Variants in SLC12A6 observed in about 807,000 individuals in gnomAD.
SLC12A6 encodes solute carrier family 12 member 6.
Under a neutral mutation model 135.3 loss-of-function variants are expected in SLC12A6, and 66 were observed. The observed-to-expected ratio is 0.49, with a 90% CI of 0.40 to 0.60. The LOEUF (loss-of-function observed/expected upper bound fraction) is 0.60. SLC12A6 is among the 20% of genes least tolerant of loss of function. SLC12A6 has a pLI of 0.00. For missense variants in SLC12A6, 1,058 were observed against 1,452.3 expected (o/e 0.73, Z 4.41); for synonymous variants, 513 against 508.8 (o/e 1.01, Z -0.11).
chr15:34,249,767 G>C (rs1892259433), intron 13 of SLC12A6, among the ~76,000 whole-genome samples: 1 of 152,130 alleles, frequency 6.6e-6, no homozygotes. Context: ...GATGGACAGG[G>C]AAGTCCTCAT....
intron 2 of SLC12A6, among the ~76,000 whole-genome samples, chr15:34,288,780 CTGTT>C (rs1409946355): frequency 6.6e-6 from 1 of 152,156 alleles, no homozygotes. Context: ...ATTTGGCTCT[CTGTT>C]TGTCTGTTAC....
In SLC12A6 at chr15:34,237,568, A is replaced by AC; in HGVS notation, c.2803-19dup. The AC allele has an allele frequency of 6.2e-7, 1 of 1,608,712 alleles. No individual in the cohort carries two copies. The highest frequency in any genetic ancestry group is 8.5e-7 in the Non-Finnish European group (1 of 1,175,964). The stretch of plus-strand genomic sequence containing the variant: ...CGCCACACCTGAGAGAGTGACATAC[A>AC]CATGTGAAAAATTAGAGCAAGGAGG... On this transcript the variant is annotated intron_variant, in intron 21 of 25. Coordinates refer to ENST00000354181, the MANE Select transcript of SLC12A6 (RefSeq NM_001365088.1).
intron 2 of SLC12A6, among the ~76,000 whole-genome samples, chr15:34,321,815 C>A (rs7176009): frequency 6.6e-6 from 1 of 152,072 alleles, no homozygotes; most frequent in Non-Finnish European, 1.5e-5. Context: ...CAACAACATG[C>A]ATGAATCTCA....
chr15:34,324,614 T>A (rs1034364619), intron 2 of SLC12A6, among the ~76,000 whole-genome samples: 2 of 151,608 alleles, frequency 1.3e-5, no homozygotes, highest in African/African-American at 4.9e-5. Context: ...ACCCATTTAT[T>A]AAAAAAAAAT....
rs1890209752 is a variant in SLC12A6 at position 34,336,530 on chromosome 15, C to T, written c.151G>A (p.Val51Met). Residue 51 changes from valine (V) to methionine (M), a missense_variant, in exon 2 of 26, where the codon GTG becomes ATG. This residue lies in a region of SLC12A6 where 176 missense variants were observed against 168.9 expected (regional missense o/e 1.04). Transcript: ENST00000354181. ...SRVRFSSRES[V>M]PETSRSEPMS... ...GGCTCACTCCGGCTTGTTTCAGGCA[C>T]GCTTTCCCGGGAGCTAAATCTTACT... 1.2e-6 allele frequency: 2 copies of T among 1,613,942 alleles called. No individual in the cohort carries two copies. The highest frequency in any genetic ancestry group is 1.7e-5 in the Admixed American group (1 of 59,996).
At chr15:34,283,067 G>A (rs1000236135) in intron 2 of SLC12A6, among the ~76,000 whole-genome samples, 1 of 152,246 alleles carries the variant, frequency 6.6e-6, no homozygotes, top group Non-Finnish European at 1.5e-5. Context: ...TAATAGCCGG[G>A]CACTGTGGCT....
intron 13 of SLC12A6, among the ~76,000 whole-genome samples, chr15:34,249,477 G>A (rs1892237445): frequency 6.6e-6 from 1 of 152,138 alleles, no homozygotes; most frequent in African/African-American, 2.4e-5. Flanking sequence ...TGAGGCGGGA[G>A]GATTACTTGA....
chr15:34,291,438 G>C (rs1895522337), intron 2 of SLC12A6, among the ~76,000 whole-genome samples: 1 of 152,144 alleles, frequency 6.6e-6, no homozygotes, highest in African/African-American at 2.4e-5. Context: ...TTCAACCTTG[G>C]TGAATCTGAC....
chr15:34,259,404 C>T (rs1892965508), intron 4 of SLC12A6, among the ~76,000 whole-genome samples: 2 of 151,350 alleles, frequency 1.3e-5, no homozygotes, highest in African/African-American at 4.9e-5. Context: ...TAACCCAATG[C>T]TATGGGAGGG....
chr15:34,309,061 T>C (rs1170535320), intron 2 of SLC12A6, among the ~76,000 whole-genome samples: 4 of 152,198 alleles, frequency 2.6e-5, no homozygotes, highest in Non-Finnish European at 5.9e-5. Flanking sequence ...GTCCTGATTG[T>C]TGTGAGGATT....
chr15:34,235,977 G>C lies in SLC12A6; in HGVS notation c.3227+38C>G, dbSNP rs773298956. ...AAAGTCACATTTGTGCCACTGATTA[G>C]GTAATTTTATGATAAACTTGGGAGT... On this transcript the variant is annotated intron_variant, in intron 24 of 25. Transcript: ENST00000354181. 16 of 1,512,536 alleles carry C rather than the reference G, an allele frequency of 1.1e-5. No homozygotes were observed. The Admixed American group carries it at 2.7e-4, about 25-fold the overall frequency. The allele number at this position is 1,512,536 out of a possible 1,614,324, so 93.7% of individuals were successfully genotyped here.
At chr15:34,273,083 G>T (rs1376985351) in intron 3 of SLC12A6, among the ~76,000 whole-genome samples, 1 of 152,082 alleles carries the variant, frequency 6.6e-6, no homozygotes, top group Non-Finnish European at 1.5e-5. Flanking sequence ...GGGAGTGGTG[G>T]CTCATGCCTG....
At chr15:34,284,934 AG>A (rs2140934631) in intron 2 of SLC12A6, among the ~76,000 whole-genome samples, 1 of 152,362 alleles carries the variant, frequency 6.6e-6, no homozygotes, top group Non-Finnish European at 1.5e-5. Context: ...TAAGCGAAGC[AG>A]GTATGTATTG....
intron 3 of SLC12A6, among the ~76,000 whole-genome samples, chr15:34,268,855 C>CTT (rs149179838): frequency 6.7e-6 from 1 of 148,926 alleles, no homozygotes; most frequent in African/African-American, 2.5e-5. Flanking sequence ...TTCTTTTTTT[C>CTT]TTTCTTTCTT....
At position 34,233,283 on chromosome 15, in the gene SLC12A6, T is replaced by TG. The variant is rs1332408517; in HGVS notation, c.*597dup. On this transcript the variant is annotated 3_prime_UTR_variant, in exon 26 of 26. Transcript: ENST00000354181. ...ATTTGGATATTTAAATCTGGTATTT[T>TG]GGGGGGATGTTTTTGAAGAAGTAGA... The TG allele has an allele frequency of 6.4e-6, 1 of 155,666 alleles. No individual in the cohort carries two copies. The highest frequency in any genetic ancestry group is 2.4e-5 in the African/African-American group (1 of 41,474). 9.6% of individuals were successfully genotyped at this position (155,666 alleles called of 1,614,324 possible).
At chr15:34,333,216 AT>A (rs1281243582) in intron 2 of SLC12A6, among the ~76,000 whole-genome samples, 9 of 141,588 alleles carry the variant, frequency 6.4e-5, no homozygotes, top group South Asian at 2.2e-4. Flanking sequence ...ATTCCACTCT[AT>A]TTTTTTTTCT....
Position 34,261,035 on chromosome 15 carries a change from GT to G in SLC12A6, c.317-16del. ...ATGTCCGTCGTCTGGAAAAAAAAAA[GT>G]AGACCAAGTTAGTTTCTCACTGGTT... On this transcript the variant is annotated splice_polypyrimidine_tract_variant and intron_variant, in intron 3 of 25. Transcript: ENST00000354181. 7.9e-7 allele frequency: 1 copy of G among 1,266,210 alleles called. No individual in the cohort carries two copies. The highest frequency in any genetic ancestry group is 1.2e-6 in the Non-Finnish European group (1 of 863,252). 78.4% of individuals were successfully genotyped at this position (1,266,210 alleles called of 1,614,324 possible). A position where few individuals can be genotyped will look rare whatever the true frequency, so the allele number is the denominator to read the frequency against.
chr15:34,267,887 C>A (rs373787806), intron 3 of SLC12A6, among the ~76,000 whole-genome samples: 12 of 152,210 alleles, frequency 7.9e-5, no homozygotes, highest in Admixed American at 7.9e-4. Context: ...TTACCTACTA[C>A]TAAGCTACTG....
intron 3 of SLC12A6, among the ~76,000 whole-genome samples, chr15:34,267,575 G>C (rs1003271793): frequency 6.6e-6 from 1 of 152,318 alleles, no homozygotes; most frequent in East Asian, 1.9e-4. Flanking sequence ...CAGGCTGGGC[G>C]CAGCAGCCCT....
Sources: gnomAD v4.1 joint callset for allele counts (sites outside exome capture counted in the v4.1 genomes callset) on GRCh38, gnomAD v4.1.1 for gene constraint, gnomAD v4.1.1 regional missense constraint, MANE v1.5 for transcripts, NCBI Gene and HGNC (gene_info 2026-07-23, HGNC 2026-07-21) for gene names.